AARD: variants seen among roughly 807,000 people sequenced by gnomAD.
AARD encodes the protein alanine- and arginine-rich domain-containing protein.
In AARD, 9 loss-of-function variants were observed where a neutral mutation model predicts 9.3. The ratio of observed to expected loss-of-function variants is 0.97; its 90% CI spans 0.58 to 1.69. The LOEUF (loss-of-function observed/expected upper bound fraction) is 1.69, where lower values mean the gene tolerates loss of function less well. Among genes scored for constraint, AARD ranks in the 40% most tolerant of loss-of-function variants. The pLI is 0.00. For missense variants in AARD, 236 were observed against 210.3 expected, an observed-to-expected ratio of 1.12 and a Z score of -0.76; for synonymous variants, 91 against 93.8, an observed-to-expected ratio of 0.97 and a Z score of 0.17.
intron 1 of AARD, among the ~76,000 whole-genome samples, chr8:116,940,548 T>C (rs547730543): frequency 6.6e-6 from 1 of 152,308 alleles, no homozygotes; most frequent in East Asian, 1.9e-4. Context: ...TACCTTAATA[T>C]CATTACCACT....
At chr8:116,941,231 G>A (rs937835709) in intron 1 of AARD, among the ~76,000 whole-genome samples, 1 of 152,200 alleles carries the variant, frequency 6.6e-6, no homozygotes, top group Non-Finnish European at 1.5e-5. Context: ...GCACAGATGA[G>A]AGGCAATTAT....
In AARD at chr8:116,942,850, A is replaced by G; in HGVS notation, c.*149A>G. 2 of 689,750 alleles carry G rather than the reference A, an allele frequency of 2.9e-6. No individual in the cohort carries two copies. Among genetic ancestry groups the G allele is most frequent in the South Asian group, 2.6e-5 (1 of 38,814 alleles). The allele number at this position is 689,750 out of a possible 1,614,324, so 42.7% of individuals were successfully genotyped here. ...CCTGCCTCTACTAAAAATACAAAAA[A>G]TTAGCCAGACGTGGTGGCAGGCACC... On this transcript the variant is annotated 3_prime_UTR_variant, in exon 2 of 2. Transcript: ENST00000378279.
Position 116,938,291 on chromosome 8 carries a change from G to T in AARD, c.48G>T (p.Gly16=), listed in dbSNP as rs368209233. The stretch of plus-strand genomic sequence containing the variant: ...GCTGCAGAGAGAGAATTTCCCAGGG[G>T]CTCCAGGGACTCCCAGGTAGAGCGG... ...FRRCRERISQ[G]LQGLPGRAEL... is the part of the protein sequence containing the mutation. The change falls in exon 1 of 2, where the codon GGG becomes GGT. Residue 16 remains glycine (G), a synonymous_variant. Coordinates refer to ENST00000378279, the MANE Select transcript of AARD (RefSeq NM_001025357.3). 9.3e-6 allele frequency: 15 copies of T among 1,608,624 alleles called. No homozygotes were observed. Among genetic ancestry groups the T allele is most frequent in the Non-Finnish European group, 1.3e-5 (15 of 1,178,166 alleles).
Position 116,938,487 on chromosome 8 carries a change from G to A in AARD, c.244G>A (p.Ala82Thr), listed in dbSNP as rs1231188456. Residue 82 changes from alanine (A) to threonine (T), a missense_variant, in exon 1 of 2, where the codon GCG (alanine) becomes ACG (threonine). Ala to Thr is a moderately conservative substitution (Grantham distance 58, BLOSUM62 0). Transcript: ENST00000378279. ...QRAISRRVQE[A>T]AAAAAAREEQ... ...CGCGATCTCGAGGCGCGTGCAGGAG[G>A]CGGCGGCGGCGGCGGCGGCGCGGGA... 16 of 1,508,192 alleles carry A rather than the reference G, an allele frequency of 1.1e-5. No individual in the cohort carries two copies. Among genetic ancestry groups the A allele is most frequent in the Middle Eastern group, 2.0e-4 (1 of 4,990 alleles). The allele number at this position is 1,508,192 out of a possible 1,614,324, so 93.4% of individuals were successfully genotyped here. A position where few individuals can be genotyped will look rare whatever the true frequency, so the allele number is the denominator to read the frequency against.
rs929840254 is a variant in AARD at position 116,942,824 on chromosome 8, C to T, written c.*123C>T. 4.3e-6 allele frequency: 4 copies of T among 923,270 alleles called. No individual in the cohort carries two copies. Among genetic ancestry groups the T allele is most frequent in the Non-Finnish European group, 6.2e-6 (4 of 646,160 alleles). 57.2% of individuals were successfully genotyped at this position (923,270 alleles called of 1,614,324 possible). A position where few individuals can be genotyped will look rare whatever the true frequency, so the allele number is the denominator to read the frequency against. On this transcript the variant is annotated 3_prime_UTR_variant, in exon 2 of 2. Coordinates refer to ENST00000378279, the MANE Select transcript of AARD (RefSeq NM_001025357.3). The stretch of plus-strand genomic sequence containing the variant: ...GACCATCCTGGCTAACACTGTGAAA[C>T]CCTGCCTCTACTAAAAATACAAAAA...
At chr8:116,940,503 G>A (rs1446178890) in intron 1 of AARD, among the ~76,000 whole-genome samples, 6 of 152,100 alleles carry the variant, frequency 3.9e-5, no homozygotes, top group African/African-American at 1.4e-4. Context: ...ATTTTATCCT[G>A]GTCATAAAGA....
rs537796659 is a variant in AARD, at chr8:116,938,848, CTG to C, written c.324+284_324+285del. 9.8e-4 allele frequency among the ~76,000 whole-genome samples: 150 copies of C among 152,338 alleles called. 1 individual carries two copies. The highest frequency in any genetic ancestry group is 4.6e-3 in the South Asian group (22 of 4,828). On this transcript the variant is annotated intron_variant, in intron 1 of 1. Coordinates refer to ENST00000378279, the MANE Select transcript of AARD (RefSeq NM_001025357.3). ...CTATAGTTTTCTGCCCTGTAGGGAA[CTG>C]TGACTATGTGTATGTATGGCTCGCG...
chr8:116,942,515 G>T, intron 1 of AARD, 43 bp from the exon 2 acceptor site: 1 of 1,529,220 alleles, frequency 6.5e-7, no homozygotes, highest in Non-Finnish European at 8.8e-7. Flanking sequence ...CATTTGATCT[G>T]CATCTCAGGC....
Position 116,942,628 on chromosome 8 carries a change from T to G in AARD, c.395T>G (p.Leu132Trp). The G allele has an allele frequency of 6.2e-7, 1 of 1,613,790 alleles. No individual in the cohort carries two copies. Among genetic ancestry groups the G allele is most frequent in the Non-Finnish European group, 8.5e-7 (1 of 1,179,924 alleles). Reference protein sequence around the residue: ...LLDLNMKVQQLKKEYELEITS... With the variant: ...LLDLNMKVQQWKKEYELEITS... ...GACCTAAACATGAAAGTGCAGCAAT[T>G]GAAAAAGGAGTATGAACTGGAAATT... Residue 132 changes from leucine (L) to tryptophan (W), a missense_variant, in exon 2 of 2, where the codon TTG (leucine) becomes TGG (tryptophan). Coordinates refer to ENST00000378279, the MANE Select transcript of AARD (RefSeq NM_001025357.3).
chr8:116,941,556 T>C (rs1586309498), intron 1 of AARD, among the ~76,000 whole-genome samples: 1 of 152,242 alleles, frequency 6.6e-6, no homozygotes, highest in African/African-American at 2.4e-5. Context: ...CTGTTAGTGC[T>C]TGTTTGCTGG....
At position 116,942,584 on chromosome 8, in the gene AARD, G is replaced by T. The variant is rs771011475; in HGVS notation, c.351G>T (p.Gln117His). 3 of 1,612,328 alleles carry T rather than the reference G, an allele frequency of 1.9e-6. No homozygotes were observed. The highest frequency in any genetic ancestry group is 2.5e-6 in the Non-Finnish European group (3 of 1,179,058). The stretch of plus-strand genomic sequence containing the variant: ...TGGAAATGCATTTCCAAAACCACCA[G>T]CTGGCTAGAACTTTACTGGACCTAA... The part of the protein sequence containing the change: ...ELVEMHFQNH[Q>H]LARTLLDLNM... The change falls in exon 2 of 2, where the codon CAG becomes CAT. Residue 117 changes from glutamine to histidine, a missense_variant. Transcript: ENST00000378279.
Position 116,944,011 on chromosome 8 carries a change from T to C in AARD, c.*1310T>C, listed in dbSNP as rs1813778126. On this transcript the variant is annotated 3_prime_UTR_variant, in exon 2 of 2. Transcript: ENST00000378279. ...TAGTTGCAGATCTAAGTGATATTTA[T>C]AATGGTTATTGTCTGCAAAATACAA... The C allele has an allele frequency of 6.6e-6, 1 of 152,250 alleles. No homozygotes were observed. The highest frequency in any genetic ancestry group is 1.9e-4 in the East Asian group (1 of 5,204). 9.4% of individuals were successfully genotyped at this position (152,250 alleles called of 1,614,324 possible). A position where few individuals can be genotyped will look rare whatever the true frequency, so the allele number is the denominator to read the frequency against.
At chr8:116,939,905 G>T (rs1184115291) in intron 1 of AARD, among the ~76,000 whole-genome samples, 3 of 152,142 alleles carry the variant, frequency 2.0e-5, no homozygotes, top group African/African-American at 4.8e-5. Flanking sequence ...GGGATCTGCC[G>T]GTACTCCTTC....
chr8:116,938,751 T>C (rs1201635262), intron 1 of AARD, 184 bp downstream of exon 1: 4 of 856,206 alleles, frequency 4.7e-6, no homozygotes, highest in Non-Finnish European at 6.5e-6. Context: ...GCAGGACCCA[T>C]GGTGGGGGGT....
intron 1 of AARD, among the ~76,000 whole-genome samples, chr8:116,940,086 A>G (rs1008717658): frequency 6.6e-6 from 1 of 152,188 alleles, no homozygotes; most frequent in Non-Finnish European, 1.5e-5. Context: ...TCAGGGTGGT[A>G]TGGCTGTAGA....
intron 1 of AARD, 28 bp from the exon 2 acceptor site, chr8:116,942,530 A>G: frequency 6.3e-7 from 1 of 1,576,102 alleles, no homozygotes; most frequent in South Asian, 1.2e-5. Flanking sequence ...TCAGGCTAAT[A>G]AAATTTTTAT....
rs773228226 is a variant in AARD, at chr8:116,938,428, G to C, written c.185G>C (p.Arg62Pro). 1.2e-6 allele frequency: 2 copies of C among 1,610,240 alleles called. No homozygotes were observed. The highest frequency in any genetic ancestry group is 4.5e-5 in the East Asian group (2 of 44,788). ...ASPLLEDLRR[R>P]LTRAFQWAVQ... ...CCGCTGCTGGAGGACCTCAGACGAC[G>C]GCTGACGCGCGCCTTCCAGTGGGCG... The change falls in exon 1 of 2, where the codon CGG becomes CCG. Residue 62 changes from arginine (R) to proline (P), a missense_variant. Transcript: ENST00000378279.
intron 1 of AARD, 109 bp from the exon 2 acceptor site, chr8:116,942,449 C>G: frequency 1.0e-6 from 1 of 1,001,690 alleles, no homozygotes; most frequent in Non-Finnish European, 1.4e-6. Context: ...TCCTTGATAT[C>G]TTATTTTCTT....
Position 116,942,808 on chromosome 8 carries a change from G to A in AARD, c.*107G>A. 1 of 1,123,110 alleles carries A rather than the reference G, an allele frequency of 8.9e-7. No individual in the cohort carries two copies. The highest frequency in any genetic ancestry group is 1.2e-6 in the Non-Finnish European group (1 of 803,306). 69.6% of individuals were successfully genotyped at this position (1,123,110 alleles called of 1,614,324 possible). A position where few individuals can be genotyped will look rare whatever the true frequency, so the allele number is the denominator to read the frequency against. On this transcript the variant is annotated 3_prime_UTR_variant, in exon 2 of 2. Coordinates refer to ENST00000378279, the MANE Select transcript of AARD (RefSeq NM_001025357.3). The stretch of plus-strand genomic sequence containing the variant: ...GACGTCAGGAGATTGAGACCATCCT[G>A]GCTAACACTGTGAAACCCTGCCTCT...
Sources: gnomAD v4.1 joint callset for allele counts (sites outside exome capture counted in the v4.1 genomes callset) on GRCh38, gnomAD v4.1.1 for gene constraint, MANE v1.5 for transcripts, NCBI Gene and HGNC (gene_info 2026-07-23, HGNC 2026-07-21) for gene names.